PHIP: variants seen among roughly 807,000 people sequenced by gnomAD.
PHIP encodes PHIP subunit of CUL4-Ring ligase complex.
PHIP carries 54 observed loss-of-function variants against 236.8 expected under a neutral mutation model. The observed-to-expected ratio is 0.23, with a 90% CI of 0.18 to 0.29. The LOEUF is 0.29. Ranked by LOEUF, PHIP falls within the 10% of genes least tolerant of loss-of-function variation. PHIP has a pLI of 1.00. For missense variants in PHIP, 1,370 were observed against 2,190.8 expected, an observed-to-expected ratio of 0.63 and a Z score of 7.48; for synonymous variants, 756 against 718.9, an observed-to-expected ratio of 1.05 and a Z score of -0.83.
intron 4 of PHIP, among the ~76,000 whole-genome samples, chr6:79,061,172 T>A (rs986164244): frequency 6.6e-6 from 1 of 152,182 alleles, no homozygotes; most frequent in African/African-American, 2.4e-5. Flanking sequence ...TATACCGGCA[T>A]TTGAAACCAT....
intron 7 of PHIP, among the ~76,000 whole-genome samples, chr6:79,030,114 A>T (rs1282069070): frequency 1.3e-5 from 2 of 152,230 alleles, no homozygotes; most frequent in African/African-American, 4.8e-5. Context: ...AAGAAAAGGA[A>T]GTAGGGAGAG....
chr6:79,025,917 C>T (rs539895507), intron 8 of PHIP, 26 bp downstream of exon 8: 2 of 1,426,576 alleles, frequency 1.4e-6, no homozygotes, highest in Non-Finnish European at 2.0e-6. Flanking sequence ...ACAACAACAA[C>T]AATGTATAGG....
In PHIP at chr6:78,947,800, T is replaced by G. The variant is rs368246663; in HGVS notation, c.4054-25A>C. ...CCTAGGAGAGGGAAAACAGGTGGTGTTATGATTATTACTACACAAAGCATC... is the reference window on the plus strand; with the variant it reads ...CCTAGGAGAGGGAAAACAGGTGGTGGTATGATTATTACTACACAAAGCATC... On this transcript the variant is annotated intron_variant, in intron 35 of 39. Coordinates refer to ENST00000275034, the MANE Select transcript of PHIP (RefSeq NM_017934.7). 48 of 1,547,954 alleles carry G rather than the reference T, an allele frequency of 3.1e-5. No individual in the cohort carries two copies. The African/African-American group carries it at 3.3e-4, about 11-fold the overall frequency.
chr6:78,940,989 T>C lies in PHIP; in HGVS notation c.5170A>G (p.Lys1724Glu). 1.9e-6 allele frequency: 3 copies of C among 1,614,070 alleles called. No homozygotes were observed. Among genetic ancestry groups the C allele is most frequent in the Non-Finnish European group, 2.5e-6 (3 of 1,179,936 alleles). The change falls in exon 40 of 40, where the codon AAA becomes GAA. Residue 1724 changes from lysine to glutamate, a missense_variant. By Grantham distance (56) the Lys-to-Glu change is moderately conservative. This residue lies in a region of PHIP where 309 missense variants were observed against 328.3 expected (regional missense o/e 0.94). Coordinates refer to ENST00000275034, the MANE Select transcript of PHIP (RefSeq NM_017934.7). ...RKPKRKMKTQKLDADLLVPAS... is the reference protein window; with the variant it reads ...RKPKRKMKTQELDADLLVPAS... ...GGGACTAGGAGATCTGCATCTAATT[T>C]TTGTGTCTTCATCTTCCTTTTGGGC...
chr6:79,077,765 C>T, intron 2 of PHIP, 36 bp from the exon 3 acceptor site: 4 of 980,656 alleles, frequency 4.1e-6, no homozygotes, highest in Non-Finnish European at 4.8e-6. Flanking sequence ...GAGCCCCGCG[C>T]CCCGGGCCGC....
At chr6:78,981,129 ATT>A (rs1471100712) in intron 23 of PHIP, among the ~76,000 whole-genome samples, 1 of 152,046 alleles carries the variant, frequency 6.6e-6, no homozygotes, top group African/African-American at 2.4e-5. Context: ...TTAAGAATGC[ATT>A]GAGTATTCTT....
chr6:79,065,084 C>T (rs1333419808), intron 4 of PHIP, among the ~76,000 whole-genome samples: 4 of 152,192 alleles, frequency 2.6e-5, no homozygotes, highest in African/African-American at 9.7e-5. Context: ...TCCAAGCAGT[C>T]ACCAAGTTCA....
At chr6:78,945,222 T>C (rs1172398556) in intron 39 of PHIP, 78 bp downstream of exon 39, 8 of 1,081,824 alleles carry the variant, frequency 7.4e-6, no homozygotes, top group Non-Finnish European at 1.1e-5. Context: ...GAAAAGTGGA[T>C]ATAAATGCTG....
chr6:78,969,348 A>G (rs1767368984), intron 27 of PHIP, among the ~76,000 whole-genome samples: 1 of 152,226 alleles, frequency 6.6e-6, no homozygotes, highest in South Asian at 2.1e-4. Flanking sequence ...TACTCTCATA[A>G]GTGGCACATC....
At chr6:79,060,106 GA>G (rs11295038) in intron 6 of PHIP, among the ~76,000 whole-genome samples, 132,396 of 145,346 alleles carry the variant, frequency 0.91, 60,239 homozygotes, top group East Asian at 0.98. Flanking sequence ...GCCAAAAAAA[GA>G]AAAAAAAAAA....
rs70937071 is a variant in PHIP, at chr6:78,961,635, G to C, written c.3656+55C>G. ...GAAACACTGCTAAAGATCAGTAAATGGGTGGAAAGATCACCAGCTTTCCTT... is the reference window on the plus strand; with the variant it reads ...GAAACACTGCTAAAGATCAGTAAATCGGTGGAAAGATCACCAGCTTTCCTT... On this transcript the variant is annotated intron_variant, in intron 31 of 39. Coordinates refer to ENST00000275034, the MANE Select transcript of PHIP (RefSeq NM_017934.7). 5.6e-3 allele frequency: 8,819 copies of C among 1,574,212 alleles called. 525 individuals carry two copies. The Admixed American group carries it at 0.11, about 20-fold the overall frequency.
Position 79,077,721 on chromosome 6 carries a change from G to A in PHIP, c.108C>T (p.Ile36=). Reference sequence around the variant, plus strand: ...TTACCTCCTTCTCGGCCACCTCGCGGATCAGCACCTGCAACAACAAAGCGG... The same window carrying A: ...TTACCTCCTTCTCGGCCACCTCGCGAATCAGCACCTGCAACAACAAAGCGG... ...GPCQQAAQVL[I]REVAEKELLP... is the part of the protein sequence containing the mutation. Residue 36 remains isoleucine (I), a synonymous_variant, in exon 3 of 40, where the codon ATC becomes ATT. Coordinates refer to ENST00000275034, the MANE Select transcript of PHIP (RefSeq NM_017934.7). The A allele has an allele frequency of 9.9e-7, 1 of 1,013,542 alleles. No homozygotes were observed. Among genetic ancestry groups the A allele is most frequent in the Non-Finnish European group, 1.2e-6 (1 of 850,522 alleles). 62.8% of individuals were successfully genotyped at this position (1,013,542 alleles called of 1,614,324 possible). A position where few individuals can be genotyped will look rare whatever the true frequency, so the allele number is the denominator to read the frequency against.
rs749642467 is a variant in PHIP, at chr6:79,077,917, C to A, written c.41-4G>T. The A allele has an allele frequency of 1.3e-6, 2 of 1,594,544 alleles. No homozygotes were observed. The highest frequency in any genetic ancestry group is 1.1e-5 in the South Asian group (1 of 88,818). ...CGGGCGATGAGGAAGTAGAGCTCTG[C>A]GCGGGAGAGAGGGACGGGGAGACAC... is the stretch of plus-strand genomic sequence containing the variant. On this transcript the variant is annotated splice_polypyrimidine_tract_variant and splice_region_variant and intron_variant, in intron 1 of 39. Coordinates refer to ENST00000275034, the MANE Select transcript of PHIP (RefSeq NM_017934.7).
At chr6:79,058,575 C>G (rs897276174) in intron 6 of PHIP, among the ~76,000 whole-genome samples, 3 of 152,118 alleles carry the variant, frequency 2.0e-5, no homozygotes, top group African/African-American at 7.2e-5. Flanking sequence ...GGCTTCACTT[C>G]TCACTGCATG....
chr6:79,032,259 T>C lies in PHIP; in HGVS notation c.601-6095A>G, dbSNP rs547841791. ...AGGGTGGAGTTGCTGAAGGTTGGGG[T>C]AGCTGTGACAACTTCTTAAAATAAG... is the stretch of plus-strand genomic sequence containing the variant. On this transcript the variant is annotated intron_variant, in intron 7 of 39. Coordinates refer to ENST00000275034, the MANE Select transcript of PHIP (RefSeq NM_017934.7). 2.6e-5 allele frequency among the ~76,000 whole-genome samples: 4 copies of C among 152,318 alleles called. No homozygotes were observed. The East Asian group carries it at 7.7e-4, about 29-fold the overall frequency.
intron 4 of PHIP, among the ~76,000 whole-genome samples, chr6:79,064,025 G>C (rs571319317): frequency 1.3e-5 from 2 of 151,912 alleles, no homozygotes; most frequent in African/African-American, 4.8e-5. Context: ...CTTTACAGGA[G>C]AACCTTTTTT....
At position 79,046,627 on chromosome 6, in the gene PHIP, A is replaced by T. The variant is rs139533572; in HGVS notation, c.440-3624T>A. On this transcript the variant is annotated intron_variant, in intron 6 of 39. Coordinates refer to ENST00000275034, the MANE Select transcript of PHIP (RefSeq NM_017934.7). ...TACAGGGACTCACACCTGTAATCCC[A>T]GCACTTTGGGAGGCTGAGGTGGGTG... Among the ~76,000 whole-genome samples, 892 of 152,318 alleles carry T rather than the reference A, an allele frequency of 5.9e-3. 4 individuals carry two copies. The highest frequency in any genetic ancestry group is 0.02 in the African/African-American group (824 of 41,564).
At chr6:78,994,053 C>G (rs184810975) in intron 19 of PHIP, among the ~76,000 whole-genome samples, 44 of 152,210 alleles carry the variant, frequency 2.9e-4, no homozygotes, top group Admixed American at 7.2e-4. Context: ...ATAGATGATT[C>G]CGAAGGCTGA....
rs779371052 is a variant in PHIP, at chr6:78,990,856, A to ATGT, written c.2319+11_2319+12insACA. ...GAAGCAAATATTAAACATCAAAATAATTAATATGTACCTTTGAGACAGTGG... is the reference window on the plus strand; with the variant it reads ...GAAGCAAATATTAAACATCAAAATAATGTTTAATATGTACCTTTGAGACAGTGG... On this transcript the variant is annotated intron_variant, in intron 20 of 39. Transcript: ENST00000275034. 2 of 1,406,610 alleles carry ATGT rather than the reference A, an allele frequency of 1.4e-6. No homozygotes were observed. The highest frequency in any genetic ancestry group is 2.0e-6 in the Non-Finnish European group (2 of 1,007,914). 87.1% of individuals were successfully genotyped at this position (1,406,610 alleles called of 1,614,324 possible).
Sources: gnomAD v4.1 joint callset for allele counts (sites outside exome capture counted in the v4.1 genomes callset) on GRCh38, gnomAD v4.1.1 for gene constraint, gnomAD v4.1.1 regional missense constraint, MANE v1.5 for transcripts, NCBI Gene and HGNC (gene_info 2026-07-23, HGNC 2026-07-21) for gene names.